TNS3: variants seen among roughly 807,000 people sequenced by gnomAD.
TNS3 encodes the protein tensin-3.
Under a neutral mutation model 140.9 loss-of-function variants are expected in TNS3, and 45 were observed. That is an observed-to-expected ratio of 0.32 (90% CI 0.25 to 0.41). TNS3 has a LOEUF of 0.41. Ranked by LOEUF, TNS3 falls within the 10% of genes least tolerant of loss-of-function variation. TNS3 has a pLI of 1.00. For synonymous variants in TNS3, 815 were observed against 788.4 expected (o/e 1.03, Z -0.56); for missense variants, 1,716 against 1,906.7 (o/e 0.90, Z 1.86).
intron 10 of TNS3, among the ~76,000 whole-genome samples, chr7:47,421,126 G>T (rs1243682318): frequency 6.6e-6 from 1 of 152,112 alleles, no homozygotes; most frequent in Non-Finnish European, 1.5e-5. Context: ...CATTAACTCC[G>T]TGATGGGGCC....
intron 6 of TNS3, among the ~76,000 whole-genome samples, chr7:47,438,039 AAATAATAATAATAATAAT>A (rs56039512): frequency 6.8e-6 from 1 of 147,672 alleles, no homozygotes; most frequent in Admixed American, 6.8e-5. Context: ...TTCAAAATGA[AAATAATAATAATAATAAT>A]AATAATAATA....
intron 4 of TNS3, among the ~76,000 whole-genome samples, chr7:47,453,832 G>C (rs1796132547): frequency 6.6e-6 from 1 of 152,144 alleles, no homozygotes. Context: ...TTAGCACTCA[G>C]AGCTAAGAGG....
At chr7:47,532,456 G>A (rs148501896) in intron 1 of TNS3, among the ~76,000 whole-genome samples, 4 of 152,300 alleles carry the variant, frequency 2.6e-5, no homozygotes, top group Non-Finnish European at 4.4e-5. Context: ...GCTGCACAGA[G>A]GAGCTACCCT....
intron 20 of TNS3, among the ~76,000 whole-genome samples, chr7:47,327,359 T>G (rs1435514901): frequency 6.6e-6 from 1 of 152,232 alleles, no homozygotes; most frequent in Non-Finnish European, 1.5e-5. Flanking sequence ...AATCTCATTT[T>G]AGAACCCAGC....
Position 47,417,353 on chromosome 7 carries a change from G to A in TNS3, c.474-2147C>T, listed in dbSNP as rs556133228. Among the ~76,000 whole-genome samples the A allele has an allele frequency of 8.5e-5, 13 of 152,346 alleles. No homozygotes were observed. In the South Asian group the frequency reaches 1.0e-3, roughly 12 times the overall value. The stretch of plus-strand genomic sequence containing the variant: ...TTGCCCCTGACACCAGACGAAGCAC[G>A]AGAAGTATTTCCTTCAGATGAGGAG... On this transcript the variant is annotated intron_variant, in intron 10 of 30. Coordinates refer to ENST00000311160, the MANE Select transcript of TNS3 (RefSeq NM_022748.12).
At chr7:47,493,979 G>T (rs570052924) in intron 3 of TNS3, among the ~76,000 whole-genome samples, 1 of 152,300 alleles carries the variant, frequency 6.6e-6, no homozygotes, top group Non-Finnish European at 1.5e-5. Context: ...ACCCAAACTA[G>T]TTCCTGCTGG....
intron 2 of TNS3, among the ~76,000 whole-genome samples, chr7:47,526,090 T>C (rs979495496): frequency 6.6e-6 from 1 of 152,352 alleles, no homozygotes; most frequent in South Asian, 2.1e-4. Context: ...GGCCGTGCTT[T>C]CTCCAAGCTC....
intron 4 of TNS3, among the ~76,000 whole-genome samples, chr7:47,475,543 GC>G (rs934825406): frequency 1.3e-4 from 20 of 149,228 alleles, no homozygotes; most frequent in Non-Finnish European, 2.7e-4. Flanking sequence ...CGGGGGGGGG[GC>G]CAGGCCCTCC....
intron 1 of TNS3, chr7:47,579,700 G>T: frequency 3.8e-6 from 1 of 263,378 alleles, no homozygotes; most frequent in Non-Finnish European, 5.9e-6. Context: ...AGAGAACTGG[G>T]CTCATTCAGA....
chr7:47,393,143 C>T (rs1328756231), intron 16 of TNS3, among the ~76,000 whole-genome samples: 2 of 152,226 alleles, frequency 1.3e-5, no homozygotes, highest in Non-Finnish European at 2.9e-5. Flanking sequence ...TGAGAAATTA[C>T]ATGATATTTA....
intron 1 of TNS3, among the ~76,000 whole-genome samples, chr7:47,560,669 G>T (rs1233933504): frequency 2.6e-5 from 4 of 152,066 alleles, no homozygotes; most frequent in Non-Finnish European, 5.9e-5. Flanking sequence ...GCCTACAAAT[G>T]ACCCCCTTTC....
chr7:47,333,404 C>T (rs1172522052), intron 20 of TNS3, among the ~76,000 whole-genome samples: 1 of 152,204 alleles, frequency 6.6e-6, no homozygotes, highest in Non-Finnish European at 1.5e-5. Flanking sequence ...GGCATGTATC[C>T]AGGCATGTCT....
chr7:47,452,946 G>A (rs1796084466), intron 4 of TNS3: 2 of 985,312 alleles, frequency 2.0e-6, no homozygotes. Context: ...GCTGGGCCTG[G>A]GCAGGGACCA....
At chr7:47,280,758 C>T (rs1785102632) in intron 28 of TNS3, among the ~76,000 whole-genome samples, 1 of 152,130 alleles carries the variant, frequency 6.6e-6, no homozygotes, top group Non-Finnish European at 1.5e-5. Flanking sequence ...ACTAAAAACA[C>T]AAAAATTAGT....
intron 16 of TNS3, among the ~76,000 whole-genome samples, chr7:47,378,087 G>A: frequency 6.6e-6 from 1 of 152,134 alleles, no homozygotes; most frequent in East Asian, 1.9e-4. Context: ...CCTGGAGAAG[G>A]GGGTGTTTGC....
intron 4 of TNS3, among the ~76,000 whole-genome samples, chr7:47,453,579 G>T (rs1016853359): frequency 3.3e-5 from 5 of 152,058 alleles, no homozygotes; most frequent in African/African-American, 9.7e-5. Flanking sequence ...CTCATCGAAT[G>T]AATTCAACAT....
rs553658302 is a variant in TNS3 at position 47,416,915 on chromosome 7, G to A, written c.474-1709C>T. On this transcript the variant is annotated intron_variant, in intron 10 of 30. Transcript: ENST00000311160. ...AGCAGTTCCGCCCTCCTTCCAGCAC[G>A]GGGCAGCCCTGGTCACTGGGAAATC... 5.9e-5 allele frequency among the ~76,000 whole-genome samples: 9 copies of A among 152,310 alleles called. No homozygotes were observed. The East Asian group carries it at 1.3e-3, about 23-fold the overall frequency.
At chr7:47,434,478 T>C (rs1174387504) in intron 8 of TNS3, among the ~76,000 whole-genome samples, 2 of 152,096 alleles carry the variant, frequency 1.3e-5, no homozygotes, top group Non-Finnish European at 2.9e-5. Context: ...TGACTCAAGG[T>C]GTGACTGGAA....
intron 16 of TNS3, among the ~76,000 whole-genome samples, chr7:47,379,375 G>A (rs1445708897): frequency 6.6e-6 from 1 of 152,144 alleles, no homozygotes; most frequent in Non-Finnish European, 1.5e-5. Flanking sequence ...AACAAGGTCT[G>A]CTTTAATTTT....
Sources: allele counts gnomAD v4.1 joint callset (sites outside exome capture counted in the v4.1 genomes callset), GRCh38; gene constraint gnomAD v4.1.1; transcripts MANE v1.5; gene names NCBI Gene and HGNC (gene_info 2026-07-23, HGNC 2026-07-21).